The following FHIT variants were observed in gnomAD, a reference collection of about 807,000 sequenced individuals.
FHIT encodes fragile histidine triad diadenosine triphosphatase.
Under a neutral mutation model 17.9 loss-of-function variants are expected in FHIT, and 19 were observed. That is an observed-to-expected ratio of 1.06 (90% CI 0.74 to 1.56). The LOEUF (loss-of-function observed/expected upper bound fraction) is 1.56. FHIT is among the 40% of genes most tolerant of loss of function. FHIT has a pLI of 0.00. For synonymous variants in FHIT, 81 were observed against 69.7 expected, an observed-to-expected ratio of 1.16 and a Z score of -0.81; for missense variants, 248 against 189.2, an observed-to-expected ratio of 1.31 and a Z score of -1.82.
intron 4 of FHIT, among the ~76,000 whole-genome samples, chr3:60,741,771 T>C (rs892868137): frequency 6.6e-6 from 1 of 152,178 alleles, no homozygotes; most frequent in Non-Finnish European, 1.5e-5. Context: ...CAAGTGGGGA[T>C]GGCTGTGTTG....
chr3:60,620,429 T>C (rs781964729), intron 4 of FHIT, among the ~76,000 whole-genome samples: 1 of 152,088 alleles, frequency 6.6e-6, no homozygotes, highest in Admixed American at 6.6e-5. Flanking sequence ...AATAAACAAA[T>C]CATGGTATAC....
At chr3:61,107,245 CT>C (rs1352017417) in intron 2 of FHIT, among the ~76,000 whole-genome samples, 1 of 152,148 alleles carries the variant, frequency 6.6e-6, no homozygotes, top group Non-Finnish European at 1.5e-5. Flanking sequence ...CTGTGCCTGG[CT>C]TATTTCACTT....
chr3:60,811,752 G>A (rs772818390), intron 4 of FHIT, among the ~76,000 whole-genome samples: 1 of 152,032 alleles, frequency 6.6e-6, no homozygotes, highest in Non-Finnish European at 1.5e-5. Flanking sequence ...CCATGAAGAT[G>A]ATCAAACATA....
chr3:60,025,270 ATTGT>A (rs1452327125), intron 5 of FHIT, among the ~76,000 whole-genome samples: 1 of 152,200 alleles, frequency 6.6e-6, no homozygotes, highest in East Asian at 1.9e-4. Context: ...ATCTCCTGAA[ATTGT>A]TTGCAAAATG....
chr3:59,884,742 T>C (rs1396238053), intron 8 of FHIT, among the ~76,000 whole-genome samples: 2 of 152,076 alleles, frequency 1.3e-5, no homozygotes, highest in Non-Finnish European at 1.5e-5. Flanking sequence ...CAGGATAGAA[T>C]GGGAGAAGTC....
intron 5 of FHIT, among the ~76,000 whole-genome samples, chr3:60,520,285 T>C (rs1037816709): frequency 2.0e-5 from 3 of 152,168 alleles, no homozygotes; most frequent in African/African-American, 4.8e-5. Context: ...TTTTCTAATA[T>C]ACTTATTGAA....
intron 4 of FHIT, among the ~76,000 whole-genome samples, chr3:60,702,544 A>G (rs2041272977): frequency 6.6e-6 from 1 of 151,862 alleles, no homozygotes; most frequent in Non-Finnish European, 1.5e-5. Flanking sequence ...ATTTCTAGAT[A>G]ACTAGTTATT....
chr3:59,897,079 A>G (rs294464), intron 8 of FHIT, among the ~76,000 whole-genome samples: 150,396 of 152,232 alleles, frequency 0.99, 74,314 homozygotes, highest in East Asian at 1. Context: ...TATCACTCCA[A>G]CAACATCCCC....
chr3:60,721,676 T>A (rs988130062), intron 4 of FHIT, among the ~76,000 whole-genome samples: 17 of 152,270 alleles, frequency 1.1e-4, no homozygotes, highest in African/African-American at 4.1e-4. Context: ...GCTTTTAAAA[T>A]CATACACTGG....
At position 59,888,510 on chromosome 3, in the gene FHIT, C is replaced by T. The variant is rs1047268323; in HGVS notation, c.348+33836G>A. ...TTTATTTCCAACATTATAATAAGGA[C>T]CATATATTATTCACTGGTATATATT... On this transcript the variant is annotated intron_variant, in intron 8 of 9. Transcript: ENST00000492590. Among the ~76,000 whole-genome samples, 6 of 152,140 alleles carry T rather than the reference C, an allele frequency of 3.9e-5. 1 individual carries two copies. In the South Asian group the frequency reaches 1.2e-3, roughly 31 times the overall value.
rs1007284595 is a variant in FHIT, at chr3:61,116,681, C to T, written c.-163-74582G>A. ...TTAAAGATAAAGATGAGGATACAAA[C>T]ACAGAAAGTTAAAGTATCTTTCAAA... On this transcript the variant is annotated intron_variant, in intron 2 of 9. Coordinates refer to ENST00000492590, the MANE Select transcript of FHIT (RefSeq NM_002012.4). Among the ~76,000 whole-genome samples the T allele has an allele frequency of 5.9e-5, 9 of 151,470 alleles. No individual in the cohort carries two copies. In the East Asian group the frequency reaches 1.5e-3, roughly 26 times the overall value.
chr3:60,007,996 G>A (rs948974838), intron 7 of FHIT, among the ~76,000 whole-genome samples: 1 of 152,142 alleles, frequency 6.6e-6, no homozygotes, highest in Non-Finnish European at 1.5e-5. Flanking sequence ...TGCAGAGCTA[G>A]CATATTTTGG....
chr3:59,964,399 A>T (rs531618845), intron 7 of FHIT, among the ~76,000 whole-genome samples: 4 of 152,226 alleles, frequency 2.6e-5, no homozygotes, highest in Admixed American at 6.5e-5. Context: ...AGAACTTTCC[A>T]TACTACCTAT....
At chr3:60,294,586 G>C (rs1320276741) in intron 5 of FHIT, among the ~76,000 whole-genome samples, 1 of 152,136 alleles carries the variant, frequency 6.6e-6, no homozygotes, top group Non-Finnish European at 1.5e-5. Context: ...TACAGCCTCA[G>C]TTAAATTACT....
At chr3:60,070,249 G>C (rs911855393) in intron 5 of FHIT, among the ~76,000 whole-genome samples, 3 of 152,148 alleles carry the variant, frequency 2.0e-5, no homozygotes, top group African/African-American at 7.2e-5. Context: ...TTCTGAAGCA[G>C]TTAATCCCAA....
chr3:61,236,222 AATAAT>A (rs1242331387), intron 1 of FHIT, among the ~76,000 whole-genome samples: 1 of 148,060 alleles, frequency 6.8e-6, no homozygotes, highest in Non-Finnish European at 1.5e-5. Context: ...TATATGTTAT[AATAAT>A]ATAATATAGA....
At chr3:60,323,035 T>G (rs1357232341) in intron 5 of FHIT, among the ~76,000 whole-genome samples, 1 of 152,194 alleles carries the variant, frequency 6.6e-6, no homozygotes, top group Non-Finnish European at 1.5e-5. Flanking sequence ...TAGATTTTTT[T>G]GTATGGAAGT....
Position 59,819,568 on chromosome 3 carries a change from C to T in FHIT, c.349-67247G>A, listed in dbSNP as rs112343266. 5.6e-3 allele frequency among the ~76,000 whole-genome samples: 860 copies of T among 152,256 alleles called. 6 individuals are homozygous for T. Among genetic ancestry groups the T allele is most frequent in the Non-Finnish European group, 8.5e-3 (575 of 68,020 alleles). On this transcript the variant is annotated intron_variant, in intron 8 of 9. Transcript: ENST00000492590. ...CACCCTGCTCCAGTCCTGGTCCCCT[C>T]CCTGGAGGTAGCCGTATTAGCAGAC...
intron 3 of FHIT, among the ~76,000 whole-genome samples, chr3:60,928,992 C>G (rs1269356077): frequency 2.0e-5 from 3 of 152,188 alleles, no homozygotes; most frequent in African/African-American, 4.8e-5. Context: ...CCGAATCCAG[C>G]AGCACATCAA....
Sources: allele counts gnomAD v4.1 joint callset (sites outside exome capture counted in the v4.1 genomes callset), GRCh38; gene constraint gnomAD v4.1.1; transcripts MANE v1.5; gene names NCBI Gene and HGNC (gene_info 2026-07-23, HGNC 2026-07-21).